POMGNT2: variants seen among roughly 807,000 people sequenced by gnomAD.
POMGNT2 encodes the protein protein O-linked-mannose beta-1,4-N-acetylglucosaminyltransferase 2.
POMGNT2 carries 32 observed loss-of-function variants against 37.8 expected under a neutral mutation model. The observed-to-expected ratio is 0.85, with a 90% CI of 0.64 to 1.14. The LOEUF is 1.14. Among genes scored for constraint, POMGNT2 ranks in the 50% most tolerant of loss-of-function variants. The pLI is 0.00. For synonymous variants in POMGNT2, 340 were observed against 336.8 expected (o/e 1.01, Z -0.10); for missense variants, 705 against 780.6 (o/e 0.90, Z 1.15).
At chr3:43,101,697 C>T (rs981983585) in intron 1 of POMGNT2, among the ~76,000 whole-genome samples, 4 of 152,234 alleles carry the variant, frequency 2.6e-5, no homozygotes, top group Non-Finnish European at 5.9e-5. Flanking sequence ...CAAGGCATTT[C>T]TATCTAGCCC....
At chr3:43,084,576 T>A (rs1407415755) in intron 1 of POMGNT2, among the ~76,000 whole-genome samples, 3 of 149,120 alleles carry the variant, frequency 2.0e-5, no homozygotes, top group African/African-American at 7.5e-5. Context: ...ACCCAGGAGG[T>A]GGAGCTTGCA....
chr3:43,105,778 T>G (rs1468054728), intron 1 of POMGNT2, 58 bp downstream of exon 1: 1 of 152,042 alleles, frequency 6.6e-6, no homozygotes, highest in East Asian at 1.9e-4. Context: ...ACACCTCCAC[T>G]TCAAGTCCCA....
Position 43,081,426 on chromosome 3 carries a change from G to A in POMGNT2, c.6C>T (p.His2=). Residue 2 remains histidine (H), a synonymous_variant, in exon 2 of 2, where the codon CAC becomes CAT. Coordinates refer to ENST00000344697, the MANE Select transcript of POMGNT2 (RefSeq NM_032806.6). M[H]LSAVFNALLV... ...GGAGGGCGTTGAACACCGCCGAGAG[G>A]TGCATCCTAATGCCACTGTGGGGCC... 1.3e-6 allele frequency: 2 copies of A among 1,561,522 alleles called. No homozygotes were observed. Among genetic ancestry groups the A allele is most frequent in the South Asian group, 1.2e-5 (1 of 82,264 alleles).
chr3:43,096,439 A>C (rs2089980520), intron 1 of POMGNT2, among the ~76,000 whole-genome samples: 1 of 152,174 alleles, frequency 6.6e-6, no homozygotes. Context: ...GGCTAACACT[A>C]TTTCTATTAC....
intron 1 of POMGNT2, among the ~76,000 whole-genome samples, chr3:43,095,569 C>T (rs183925620): frequency 2.0e-5 from 3 of 152,310 alleles, no homozygotes; most frequent in Non-Finnish European, 4.4e-5. Context: ...CAGTGCTTCT[C>T]GGCTGTCTTG....
chr3:43,105,307 C>T (rs1049620575), intron 1 of POMGNT2, among the ~76,000 whole-genome samples: 1 of 152,196 alleles, frequency 6.6e-6, no homozygotes, highest in Non-Finnish European at 1.5e-5. Context: ...CTCTTACCAC[C>T]GGACACACAT....
rs746574148 is a variant in POMGNT2, at chr3:43,080,658, G to A, written c.774C>T (p.Leu258=). ...ACTGCCGGATCTCATTGCCTGAGACGAGGATGTTGGCCTTCGGGCCCTGGG... is the reference window on the plus strand; with the variant it reads ...ACTGCCGGATCTCATTGCCTGAGACAAGGATGTTGGCCTTCGGGCCCTGGG... ...VQPQGPKANI[L]VSGNEIRQFA... is the part of the protein sequence containing the mutation. The change falls in exon 2 of 2, where the codon CTC becomes CTT. Residue 258 remains leucine, a synonymous_variant. Coordinates refer to ENST00000344697, the MANE Select transcript of POMGNT2 (RefSeq NM_032806.6). 15 of 1,614,220 alleles carry A rather than the reference G, an allele frequency of 9.3e-6. No homozygotes were observed. The highest frequency in any genetic ancestry group is 2.2e-5 in the East Asian group (1 of 44,876).
rs1033130067 is a variant in POMGNT2, at chr3:43,098,015, G to T, written c.-106+7821C>A. Among the ~76,000 whole-genome samples, 1 of 152,214 alleles carries T rather than the reference G, an allele frequency of 6.6e-6. No individual in the cohort carries two copies. Among genetic ancestry groups the T allele is most frequent in the African/African-American group, 2.4e-5 (1 of 41,448 alleles). ...ACTCCTCCACAAGAAGGGTTACAGA[G>T]GTGGAGGGACCAGACAGCCAGCACC... On this transcript the variant is annotated intron_variant, in intron 1 of 1. Transcript: ENST00000344697. The surrounding 1 kb of genome is among the most constrained non-coding windows in gnomAD (Gnocchi z 4.3).
rs746938365 is a variant in POMGNT2, at chr3:43,080,993, C to T, written c.439G>A (p.Val147Met). ...ATGAGGGCCACGTCTGGCACGAACACCGGCTTGGGCATGAAGCGCAGGGCA... is the reference window on the plus strand; with the variant it reads ...ATGAGGGCCACGTCTGGCACGAACATCGGCTTGGGCATGAAGCGCAGGGCA... ...AAALRFMPKP[V>M]FVPDVALIAN... Residue 147 changes from valine to methionine, a missense_variant, in exon 2 of 2, where the codon GTG becomes ATG. By Grantham distance (21) the Val-to-Met change is conservative (BLOSUM62 1). Coordinates refer to ENST00000344697, the MANE Select transcript of POMGNT2 (RefSeq NM_032806.6). 5 of 1,614,092 alleles carry T rather than the reference C, an allele frequency of 3.1e-6. No homozygotes were observed. Among genetic ancestry groups the T allele is most frequent in the African/African-American group, 2.7e-5 (2 of 74,934 alleles).
chr3:43,081,485 G>T lies in POMGNT2; in HGVS notation c.-54C>A. On this transcript the variant is annotated 5_prime_UTR_variant, in exon 2 of 2. It adds an upstream start codon to the 5' untranslated region. Transcript: ENST00000344697. ...ATGACGGCCACTGGGAAGCACCACA[G>T]GCCAGGCAGGCTTCACCCATCCCTA... 1 of 1,410,364 alleles carries T rather than the reference G, an allele frequency of 7.1e-7. No individual in the cohort carries two copies. The highest frequency in any genetic ancestry group is 9.4e-7 in the Non-Finnish European group (1 of 1,058,658). 87.4% of individuals were successfully genotyped at this position (1,410,364 alleles called of 1,614,324 possible).
chr3:43,090,787 C>A (rs2089937310), intron 1 of POMGNT2, among the ~76,000 whole-genome samples: 1 of 152,146 alleles, frequency 6.6e-6, no homozygotes, highest in Non-Finnish European at 1.5e-5. Flanking sequence ...CAGCTCAGAT[C>A]TAGACCAGGG....
chr3:43,103,537 T>G (rs1031594181), intron 1 of POMGNT2, among the ~76,000 whole-genome samples: 6 of 151,962 alleles, frequency 3.9e-5, no homozygotes, highest in Admixed American at 2.6e-4. Context: ...TCCCCTGAAC[T>G]CACTCAGGGA....
intron 1 of POMGNT2, among the ~76,000 whole-genome samples, chr3:43,099,712 C>T (rs887996776): frequency 2.0e-5 from 3 of 152,088 alleles, no homozygotes; most frequent in Non-Finnish European, 2.9e-5. Context: ...TGCAGGGTGA[C>T]GCTTTATGGC....
intron 1 of POMGNT2, among the ~76,000 whole-genome samples, chr3:43,101,134 T>A (rs1258098342): frequency 6.6e-6 from 1 of 152,118 alleles, no homozygotes; most frequent in East Asian, 1.9e-4. Flanking sequence ...TGGACACACA[T>A]GCATGATGGT....
intron 1 of POMGNT2, among the ~76,000 whole-genome samples, chr3:43,097,465 T>C (rs1406370945): frequency 6.6e-6 from 1 of 151,346 alleles, no homozygotes; most frequent in East Asian, 1.9e-4. Flanking sequence ...GCCTCTTCTC[T>C]GTGTGGTGGG....
At chr3:43,103,328 T>C (rs757763733) in intron 1 of POMGNT2, among the ~76,000 whole-genome samples, 3 of 152,074 alleles carry the variant, frequency 2.0e-5, no homozygotes, top group Admixed American at 1.3e-4. Flanking sequence ...AAAGCAAAGA[T>C]AAGGCTCAGA....
intron 1 of POMGNT2, chr3:43,087,412 G>A (rs780968121): frequency 6.6e-6 from 1 of 152,222 alleles, no homozygotes; most frequent in Non-Finnish European, 1.5e-5. Flanking sequence ...CAGCAAATCA[G>A]GAAAAAGAAT....
intron 1 of POMGNT2, among the ~76,000 whole-genome samples, chr3:43,083,156 G>C (rs1413832765): frequency 6.6e-6 from 1 of 152,110 alleles, no homozygotes; most frequent in African/African-American, 2.4e-5. Flanking sequence ...TTCAGGAAAT[G>C]AAAATTACCG....
chr3:43,080,944 T>G lies in POMGNT2; in HGVS notation c.488A>C (p.Asn163Thr). 6.2e-7 allele frequency: 1 copy of G among 1,613,914 alleles called. No homozygotes were observed. The highest frequency in any genetic ancestry group is 1.1e-5 in the South Asian group (1 of 91,072). ...ALIANRFNPD[N>T]LMHVFHDDLL... ...GTCGTCATGAAAGACGTGCATGAGG[T>G]TGTCGGGGTTGAAGCGGTTGGCGAT... is the stretch of plus-strand genomic sequence containing the variant. Residue 163 changes from asparagine (N) to threonine (T), a missense_variant, in exon 2 of 2, where the codon AAC (asparagine) becomes ACC (threonine). Asn to Thr is a moderately conservative substitution (Grantham distance 65). Transcript: ENST00000344697.
Sources: gnomAD v4.1 joint callset for allele counts (sites outside exome capture counted in the v4.1 genomes callset) on GRCh38, gnomAD v4.1.1 for gene constraint, Gnocchi (gnomAD v3.1) non-coding constraint, MANE v1.5 for transcripts, NCBI Gene and HGNC (gene_info 2026-07-23, HGNC 2026-07-21) for gene names.